SPEG: variants seen among roughly 807,000 people sequenced by gnomAD.
SPEG encodes the protein striated muscle enriched protein kinase, also known as striated muscle preferentially expressed protein kinase.
Under a neutral mutation model 300.4 loss-of-function variants are expected in SPEG, and 114 were observed. The observed-to-expected ratio is 0.38, with a 90% confidence interval of 0.33 to 0.44. The LOEUF is 0.44. SPEG is among the 20% of genes least tolerant of loss of function. The probability of loss-of-function intolerance (pLI) is 1.00; values close to 1 mark genes in which losing one functional copy is unlikely to be tolerated. For missense variants in SPEG, 4,201 were observed against 4,586.2 expected, an observed-to-expected ratio of 0.92 and a Z score of 2.43; for synonymous variants, 1,964 against 2,018.9, an observed-to-expected ratio of 0.97 and a Z score of 0.73.
chr2:219,485,040 G>A lies in SPEG; in HGVS notation c.7577G>A (p.Gly2526Asp). ...ACCACGCCTTCCGCCGAGTCCCTGG[G>A]CTCCGAGGCCAGCGCCACGTCGGGC... ...GATTPSAESLGSEASATSGSS... is the reference protein window; with the variant it reads ...GATTPSAESLDSEASATSGSS... Residue 2526 changes from glycine to aspartate, a missense_variant, in exon 30 of 41, where the codon GGC becomes GAC. Physicochemically the swap from Gly to Asp is moderately conservative, Grantham distance 94. Coordinates refer to ENST00000312358, the MANE Select transcript of SPEG (RefSeq NM_005876.5). 1 of 1,532,594 alleles carries A rather than the reference G, an allele frequency of 6.5e-7. No homozygotes were observed. The highest frequency in any genetic ancestry group is 8.7e-7 in the Non-Finnish European group (1 of 1,146,002). The allele number at this position is 1,532,594 out of a possible 1,614,324, so 94.9% of individuals were successfully genotyped here. A position where few individuals can be genotyped will look rare whatever the true frequency, so the allele number is the denominator to read the frequency against.
rs988028398 is a variant in SPEG, at chr2:219,445,077, G to T, written c.731G>T (p.Gly244Val). 3.1e-6 allele frequency: 5 copies of T among 1,605,448 alleles called. No homozygotes were observed. Among genetic ancestry groups the T allele is most frequent in the South Asian group, 1.1e-5 (1 of 90,092 alleles). Residue 244 changes from glycine to valine, a missense_variant, in exon 3 of 41, where the codon GGG becomes GTG. This residue lies in a region of SPEG where 1,258 missense variants were observed against 1,293.9 expected (regional missense o/e 0.97). Transcript: ENST00000312358. This position sits in a 1 kb window ranked among gnomAD's most constrained non-coding sequence, Gnocchi z 6.1. ...SRANLVGASW[G>V]SEDSLSVASD... ...GCTAATCTGGTGGGCGCAAGCTGGG[G>T]GTCAGAGGATAGCCTTTCCGTGGCC...
chr2:219,472,417 A>G, intron 15 of SPEG, 86 bp downstream of exon 15: 1 of 1,197,676 alleles, frequency 8.3e-7, no homozygotes, highest in South Asian at 1.3e-5. Context: ...GCCAGGCCCC[A>G]GAAGCGGATG....
In SPEG at chr2:219,435,159, G is replaced by A. The variant is rs752331636; in HGVS notation, c.182G>A (p.Arg61Gln). ...NAAVCAGSDV[R>Q]LRVVVSGTPQ... ...GCGGTGTGCGCGGGCAGCGACGTGC[G>A]GCTGCGGGTGGTGGTGAGCGGGACG... The change falls in exon 1 of 41, where the codon CGG (arginine) becomes CAG (glutamine). Residue 61 changes from arginine to glutamine, a missense_variant. Around this residue, in one of 4 missense-constraint regions of SPEG, gnomAD observed 1,258 missense variants for 1,293.9 expected, o/e 0.97. Transcript: ENST00000312358. The A allele has an allele frequency of 9.0e-4, 1,327 of 1,470,076 alleles. 1 individual carries two copies. Among genetic ancestry groups the A allele is most frequent in the Non-Finnish European group, 1.1e-3 (1,223 of 1,120,482 alleles). 91.1% of individuals were successfully genotyped at this position (1,470,076 alleles called of 1,614,324 possible).
rs563790418 is a variant in SPEG, at chr2:219,443,961, C to T, written c.389-692C>T. On this transcript the variant is annotated intron_variant, in intron 1 of 40. Transcript: ENST00000312358. The surrounding 1 kb of genome is among the most constrained non-coding windows in gnomAD (Gnocchi z 4.6). ...CCTTCTGTCTTGACTGCCCTCCATG[C>T]CCTGCCCCACAAACGCTCTGATAAC... 51 of 1,300,052 alleles carry T rather than the reference C, an allele frequency of 3.9e-5. No individual in the cohort carries two copies. In the East Asian group the frequency reaches 2.2e-3, roughly 57 times the overall value. The allele number at this position is 1,300,052 out of a possible 1,614,324, so 80.5% of individuals were successfully genotyped here.
At chr2:219,450,939 C>A (rs557651556) in intron 4 of SPEG, 197 bp from the exon 5 acceptor site, 1 of 557,064 alleles carries the variant, frequency 1.8e-6, no homozygotes. Context: ...TGACCTGTTT[C>A]GAGAATGCTC....
At chr2:219,441,652 T>C in intron 1 of SPEG, 1 of 459,428 alleles carries the variant, frequency 2.2e-6, no homozygotes, top group Non-Finnish European at 4.5e-6. Flanking sequence ...CTAGAGGCCA[T>C]TGCACCCCTT....
chr2:219,480,827 A>G lies in SPEG; in HGVS notation c.5369+130A>G. The G allele has an allele frequency of 1.1e-6, 1 of 874,048 alleles. No individual in the cohort carries two copies. The highest frequency in any genetic ancestry group is 1.9e-5 in the Admixed American group (1 of 52,880). 54.1% of individuals were successfully genotyped at this position (874,048 alleles called of 1,614,324 possible). ...TTGCACTGCAAGGAGCCTCATGTGCATGAAGGTGGACACCCCTGTCTGCAT... is the reference window on the plus strand; with the variant it reads ...TTGCACTGCAAGGAGCCTCATGTGCGTGAAGGTGGACACCCCTGTCTGCAT... On this transcript the variant is annotated intron_variant, in intron 26 of 40. Transcript: ENST00000312358. The surrounding 1 kb of genome is among the most constrained non-coding windows in gnomAD (Gnocchi z 5.3).
chr2:219,442,233 G>C, intron 1 of SPEG: 1 of 429,186 alleles, frequency 2.3e-6, no homozygotes, highest in Non-Finnish European at 3.5e-6. Flanking sequence ...GGCGGGCCGG[G>C]CGCGATCTAG....
Position 219,472,227 on chromosome 2 carries a change from A to G in SPEG, c.3836A>G (p.Asp1279Gly). Residue 1279 changes from aspartate to glycine, a missense_variant and splice_region_variant, in exon 15 of 41, where the codon GAT (aspartate) becomes GGT (glycine). By Grantham distance (94) the Asp-to-Gly change is moderately conservative. This residue lies in a region of SPEG where 1,047 missense variants were observed against 1,356.8 expected (regional missense o/e 0.77). Coordinates refer to ENST00000312358, the MANE Select transcript of SPEG (RefSeq NM_005876.5). Reference sequence around the variant, plus strand: ...CAGACATTCGAACTGCGGCTTTCAGATGTGGTCCCAGGCCCTCCAGATGGC... The same window carrying G: ...CAGACATTCGAACTGCGGCTTTCAGGTGTGGTCCCAGGCCCTCCAGATGGC... ...AACYAHLYVT[D>G]VVPGPPDGAP... The G allele has an allele frequency of 6.2e-7, 1 of 1,613,468 alleles. No homozygotes were observed. The highest frequency in any genetic ancestry group is 1.1e-5 in the South Asian group (1 of 91,080).
rs1173013880 is a variant in SPEG at position 219,477,285 on chromosome 2, G to C, written c.4569G>C (p.Val1523=). ...LPDIMWYKDE[V]LLTESSHVSF... ...GAGACCCCACTCTGCAGGACGAGGT[G>C]CTGCTGACCGAGAGCAGCCATGTGA... is the stretch of plus-strand genomic sequence containing the variant. The change falls in exon 20 of 41, where the codon GTG becomes GTC. Residue 1523 remains valine (V), a synonymous_variant. Transcript: ENST00000312358. This position sits in a 1 kb window ranked among gnomAD's most constrained non-coding sequence, Gnocchi z 6.4. 4.3e-6 allele frequency: 7 copies of C among 1,611,226 alleles called. No homozygotes were observed. Among genetic ancestry groups the C allele is most frequent in the Non-Finnish European group, 5.9e-6 (7 of 1,179,416 alleles).
Position 219,449,155 on chromosome 2 carries a change from C to A in SPEG, c.1997C>A (p.Ala666Glu). 7.0e-7 allele frequency: 1 copy of A among 1,423,386 alleles called. No homozygotes were observed. The highest frequency in any genetic ancestry group is 9.2e-7 in the Non-Finnish European group (1 of 1,088,594). 88.2% of individuals were successfully genotyped at this position (1,423,386 alleles called of 1,614,324 possible). A position where few individuals can be genotyped will look rare whatever the true frequency, so the allele number is the denominator to read the frequency against. ...GAGAAGAACAGGGCGGGGCCTGAGGCAGAGAAGAGGCTTCGCAGAGGGCCG... is the reference window on the plus strand; with the variant it reads ...GAGAAGAACAGGGCGGGGCCTGAGGAAGAGAAGAGGCTTCGCAGAGGGCCG... The part of the protein sequence containing the change: ...TLEKNRAGPE[A>E]EKRLRRGPEE... The change falls in exon 4 of 41, where the codon GCA becomes GAA. Residue 666 changes from alanine to glutamate, a missense_variant. Coordinates refer to ENST00000312358, the MANE Select transcript of SPEG (RefSeq NM_005876.5).
rs1373498715 is a variant in SPEG, at chr2:219,483,811, C to A, written c.6348C>A (p.His2116Gln). 1.3e-6 allele frequency: 2 copies of A among 1,576,628 alleles called. No individual in the cohort carries two copies. The highest frequency in any genetic ancestry group is 2.3e-5 in the South Asian group (2 of 88,192). Reference sequence around the variant, plus strand: ...CCTCCAGCGAGGCAGCGCCCCACCACCAGCCCCCACTCGAGAACCGGGGCC... The same window carrying A: ...CCTCCAGCGAGGCAGCGCCCCACCAACAGCCCCCACTCGAGAACCGGGGCC... ...RAASSEAAPH[H>Q]QPPLENRGLQ... Residue 2116 changes from histidine to glutamine, a missense_variant, in exon 30 of 41, where the codon CAC (histidine) becomes CAA (glutamine). Around this residue, in one of 4 missense-constraint regions of SPEG, gnomAD observed 1,578 missense variants for 1,506.0 expected, o/e 1.05. Coordinates refer to ENST00000312358, the MANE Select transcript of SPEG (RefSeq NM_005876.5).
intron 40 of SPEG, 144 bp from the exon 41 acceptor site, chr2:219,492,450 C>T: frequency 9.3e-7 from 1 of 1,080,236 alleles, no homozygotes. Flanking sequence ...ATTCCGGAGA[C>T]TGGGGAACTG....
chr2:219,443,980 T>C lies in SPEG; in HGVS notation c.389-673T>C. On this transcript the variant is annotated intron_variant, in intron 1 of 40. Transcript: ENST00000312358. The surrounding 1 kb of genome is among the most constrained non-coding windows in gnomAD (Gnocchi z 4.6). ...TCCATGCCCTGCCCCACAAACGCTCTGATAACAGTCTGTCCCTGTCTCTCT... is the reference window on the plus strand; with the variant it reads ...TCCATGCCCTGCCCCACAAACGCTCCGATAACAGTCTGTCCCTGTCTCTCT... The C allele has an allele frequency of 3.0e-6, 4 of 1,354,932 alleles. No individual in the cohort carries two copies. Among genetic ancestry groups the C allele is most frequent in the Non-Finnish European group, 3.9e-6 (4 of 1,015,434 alleles). The allele number at this position is 1,354,932 out of a possible 1,614,324, so 83.9% of individuals were successfully genotyped here. A position where few individuals can be genotyped will look rare whatever the true frequency, so the allele number is the denominator to read the frequency against.
Position 219,467,317 on chromosome 2 carries a change from C to T in SPEG, c.3025C>T (p.Gln1009Ter). 1.2e-6 allele frequency: 2 copies of T among 1,611,282 alleles called. No homozygotes were observed. The highest frequency in any genetic ancestry group is 1.7e-6 in the Non-Finnish European group (2 of 1,179,834). The part of the protein sequence containing the change: ...VDWLCRGRLL[Q>*]PALLKCKMHF... ...TTGGCTGTGCCGTGGCCGCCTGCTGCAGCCTGCACTGCTCAAATGCAAGAT... is the reference window on the plus strand; with the variant it reads ...TTGGCTGTGCCGTGGCCGCCTGCTGTAGCCTGCACTGCTCAAATGCAAGAT... The change falls in exon 10 of 41, where the codon CAG becomes TAG. Residue 1009 changes from glutamine to a stop codon, truncating the protein, a stop_gained. Transcript: ENST00000312358. LOFTEE classifies it high-confidence loss of function.
rs1434868344 is a variant in SPEG, at chr2:219,443,069, C to T, written c.389-1584C>T. 5.7e-6 allele frequency: 9 copies of T among 1,591,380 alleles called. No individual in the cohort carries two copies. Among genetic ancestry groups the T allele is most frequent in the Non-Finnish European group, 6.9e-6 (8 of 1,164,240 alleles). ...GAGGCACAGGGACCTTAGGAACAAGCCTCCCCCTCAACTACTCATTCTGGC... is the reference window on the plus strand; with the variant it reads ...GAGGCACAGGGACCTTAGGAACAAGTCTCCCCCTCAACTACTCATTCTGGC... On this transcript the variant is annotated intron_variant, in intron 1 of 40. Transcript: ENST00000312358. This position sits in a 1 kb window ranked among gnomAD's most constrained non-coding sequence, Gnocchi z 4.6.
In SPEG at chr2:219,462,330, C is replaced by A; in HGVS notation, c.2649C>A (p.Gly883=). ...TTATGGACCAGTCAGTAAGAGAAGG[C>A]CAAGATGTCATCATGAGCATCCGCG... The part of the protein sequence containing the change: ...VSLMDQSVRE[G]QDVIMSIRVQ... The change falls in exon 8 of 41, where the codon GGC becomes GGA. Residue 883 remains glycine (G), a synonymous_variant. Transcript: ENST00000312358. The A allele has an allele frequency of 6.4e-7, 1 of 1,570,352 alleles. No individual in the cohort carries two copies. Among genetic ancestry groups the A allele is most frequent in the South Asian group, 1.2e-5 (1 of 85,492 alleles).
intron 31 of SPEG, among the ~76,000 whole-genome samples, 159 bp from the exon 32 acceptor site, chr2:219,488,035 A>G (rs1693602800): frequency 6.6e-6 from 1 of 152,120 alleles, no homozygotes; most frequent in African/African-American, 2.4e-5. Context: ...AAAATTATCG[A>G]AGGCATGGCG....
chr2:219,435,154 C>G lies in SPEG; in HGVS notation c.177C>G (p.Asp59Glu). ...ACGCGGCGGTGTGCGCGGGCAGCGA[C>G]GTGCGGCTGCGGGTGGTGGTGAGCG... ...LKNAAVCAGS[D>E]VRLRVVVSGT... The change falls in exon 1 of 41, where the codon GAC becomes GAG. Residue 59 changes from aspartate to glutamate, a missense_variant. Physicochemically the swap from Asp to Glu is conservative, Grantham distance 45 (BLOSUM62 2). This residue lies in a region of SPEG where 1,258 missense variants were observed against 1,293.9 expected (regional missense o/e 0.97). Transcript: ENST00000312358. The G allele has an allele frequency of 6.8e-7, 1 of 1,467,946 alleles. No individual in the cohort carries two copies. The highest frequency in any genetic ancestry group is 8.9e-7 in the Non-Finnish European group (1 of 1,119,456). 90.9% of individuals were successfully genotyped at this position (1,467,946 alleles called of 1,614,324 possible).
Sources: allele counts gnomAD v4.1 joint callset (sites outside exome capture counted in the v4.1 genomes callset), GRCh38; gene constraint gnomAD v4.1.1; regional missense constraint gnomAD v4.1.1; non-coding constraint Gnocchi (gnomAD v3.1); transcripts MANE v1.5; gene names NCBI Gene and HGNC (gene_info 2026-07-23, HGNC 2026-07-21).